SMARCA2: variants seen among roughly 807,000 people sequenced by gnomAD.
SMARCA2 encodes the protein SWI/SNF-related matrix-associated actin-dependent regulator of chromatin subfamily A member 2.
A neutral mutation model predicts 199.8 loss-of-function variants in SMARCA2; 61 were observed. That is an observed-to-expected ratio of 0.31 (90% CI 0.25 to 0.38). The LOEUF is 0.38. Among genes scored for constraint, SMARCA2 ranks in the 10% least tolerant of loss-of-function variants. The pLI is 1.00. For synonymous variants in SMARCA2, 935 were observed against 732.0 expected, an observed-to-expected ratio of 1.28 and a Z score of -4.48; for missense variants, 1,344 against 2,012.2, an observed-to-expected ratio of 0.67 and a Z score of 6.35.
intron 23 of SMARCA2, among the ~76,000 whole-genome samples, chr9:2,109,443 A>G (rs1488864093): frequency 2.6e-5 from 4 of 152,160 alleles, no homozygotes; most frequent in Non-Finnish European, 5.9e-5. Context: ...AATGCCCCAA[A>G]AGTGAGCACC....
intron 27 of SMARCA2, chr9:2,159,365 T>C (rs1315269960): frequency 4.4e-6 from 1 of 225,494 alleles, no homozygotes; most frequent in Non-Finnish European, 8.7e-6. Context: ...AACATGTACA[T>C]TGCTTTTATT....
Position 2,170,072 on chromosome 9 carries a change from C to T in SMARCA2, c.4200-347C>T, listed in dbSNP as rs1826163785. 6.6e-6 allele frequency among the ~76,000 whole-genome samples: 1 copy of T among 152,188 alleles called. No homozygotes were observed. On this transcript the variant is annotated intron_variant, in intron 28 of 33. Transcript: ENST00000349721. The surrounding 1 kb of genome is among the most constrained non-coding windows in gnomAD (Gnocchi z 4.7). ...GGGGCTAAACTCAGATAGACTAGCA[C>T]TACCTTCCCAAGATCACACGCACCT...
At chr9:2,089,464 G>A (rs886507069) in intron 19 of SMARCA2, among the ~76,000 whole-genome samples, 7 of 152,030 alleles carry the variant, frequency 4.6e-5, no homozygotes, top group East Asian at 1.9e-4. Flanking sequence ...TCTGGGTAAC[G>A]ACTCTATTTT....
At chr9:2,153,974 C>G (rs768708158) in intron 27 of SMARCA2, among the ~76,000 whole-genome samples, 2 of 152,182 alleles carry the variant, frequency 1.3e-5, no homozygotes, top group Non-Finnish European at 2.9e-5. Flanking sequence ...ATGGTGCAGT[C>G]ATCATTAATA....
intron 27 of SMARCA2, among the ~76,000 whole-genome samples, chr9:2,146,180 C>G (rs934025669): frequency 2.0e-5 from 3 of 152,132 alleles, no homozygotes; most frequent in Non-Finnish European, 2.9e-5. Context: ...TAGACAGTGC[C>G]TTTTTGCTGT....
intron 6 of SMARCA2, among the ~76,000 whole-genome samples, chr9:2,055,321 A>T (rs1483919771): frequency 6.6e-6 from 1 of 152,262 alleles, no homozygotes; most frequent in Non-Finnish European, 1.5e-5. Flanking sequence ...AAAAGCCAGT[A>T]TAATGACCTA....
rs538929833 is a variant in SMARCA2, at chr9:2,051,321, A to G, written c.1047-3276A>G. Among the ~76,000 whole-genome samples the G allele has an allele frequency of 2.1e-3, 315 of 152,250 alleles. 4 individuals are homozygous for G. The highest frequency in any genetic ancestry group is 2.7e-3 in the Non-Finnish European group (182 of 68,014). ...TCCAGAAAAGGGATTCTTTTGTGCCAGGGAATCAGATTCACTGACAAATAA... is the reference window on the plus strand; with the variant it reads ...TCCAGAAAAGGGATTCTTTTGTGCCGGGGAATCAGATTCACTGACAAATAA... On this transcript the variant is annotated intron_variant, in intron 5 of 33. Coordinates refer to ENST00000349721, the MANE Select transcript of SMARCA2 (RefSeq NM_003070.5).
rs111992349 is a variant in SMARCA2 at position 2,093,801 on chromosome 9, G to A, written c.2884-2856G>A. On this transcript the variant is annotated intron_variant, in intron 19 of 33. Coordinates refer to ENST00000349721, the MANE Select transcript of SMARCA2 (RefSeq NM_003070.5). ...AAAAATATTAGATATCATCAAATTG[G>A]CAGCTTTAAATAGGGCTATAAATCA... Among the ~76,000 whole-genome samples, 112 of 152,278 alleles carry A rather than the reference G, an allele frequency of 7.4e-4. 1 individual carries two copies. The highest frequency in any genetic ancestry group is 2.6e-3 in the African/African-American group (106 of 41,544).
intron 3 of SMARCA2, among the ~76,000 whole-genome samples, chr9:2,035,085 A>C (rs1227197294): frequency 6.6e-6 from 1 of 151,564 alleles, no homozygotes; most frequent in Non-Finnish European, 1.5e-5. Flanking sequence ...TCTGTTGCCC[A>C]GGCTGGAGTG....
At chr9:2,032,754 C>A in intron 2 of SMARCA2, 198 bp from the exon 3 acceptor site, 1 of 437,690 alleles carries the variant, frequency 2.3e-6, no homozygotes, top group Non-Finnish European at 4.0e-6. Flanking sequence ...AAAAACAACC[C>A]TCCACTGTTT....
chr9:2,081,732 A>G, intron 14 of SMARCA2, 100 bp from the exon 15 acceptor site: 2 of 983,968 alleles, frequency 2.0e-6, no homozygotes, highest in Non-Finnish European at 3.1e-6. Flanking sequence ...CCCAACATAC[A>G]GCAGTGAGGA....
Position 2,103,334 on chromosome 9 carries a change from C to G in SMARCA2, c.3126-669C>G, listed in dbSNP as rs529200332. 7.9e-5 allele frequency among the ~76,000 whole-genome samples: 12 copies of G among 152,280 alleles called. No individual in the cohort carries two copies. The South Asian group carries it at 2.3e-3, about 29-fold the overall frequency. On this transcript the variant is annotated intron_variant, in intron 22 of 33. Coordinates refer to ENST00000349721, the MANE Select transcript of SMARCA2 (RefSeq NM_003070.5). ...TCTGATAAAACCTTATTTGTAAAAA[C>G]AGACAGCAGACGGGGCCAAAGGTTG...
At chr9:2,139,373 T>A (rs949072661) in intron 27 of SMARCA2, among the ~76,000 whole-genome samples, 2 of 152,134 alleles carry the variant, frequency 1.3e-5, no homozygotes, top group Admixed American at 1.3e-4. Flanking sequence ...GATGCAGTTA[T>A]AGAAGTGTGG....
At position 2,127,953 on chromosome 9, in the gene SMARCA2, A is replaced by C. The variant is rs376191633; in HGVS notation, c.3981+4016A>C. On this transcript the variant is annotated intron_variant, in intron 27 of 33. Coordinates refer to ENST00000349721, the MANE Select transcript of SMARCA2 (RefSeq NM_003070.5). ...TTTAATCAGGAGGATCACAATTTCA[A>C]ACACAGTTCAGTTTTTTTTTTAAAG... Among the ~76,000 whole-genome samples, 9 of 141,710 alleles carry C rather than the reference A, an allele frequency of 6.4e-5. No individual in the cohort carries two copies. In the East Asian group the frequency reaches 1.7e-3, roughly 26 times the overall value. 93.0% of individuals were successfully genotyped at this position (141,710 alleles called of 152,430 possible).
intron 9 of SMARCA2, among the ~76,000 whole-genome samples, chr9:2,065,137 A>T (rs1478065160): frequency 2.0e-5 from 3 of 152,118 alleles, no homozygotes; most frequent in Admixed American, 6.5e-5. Flanking sequence ...GTGAGCCGAG[A>T]CGGCGCCACT....
In SMARCA2 at chr9:2,073,163, G is replaced by A. The variant is rs767567700; in HGVS notation, c.1747-49G>A. 7.5e-6 allele frequency: 12 copies of A among 1,609,968 alleles called. 1 individual carries two copies. The East Asian group carries it at 8.9e-5, about 12-fold the overall frequency. ...CTGAGAAACGTCCAGTACAGGACTG[G>A]GGGAAGGTCTTAACATGAAACCGTG... On this transcript the variant is annotated intron_variant, in intron 10 of 33. Coordinates refer to ENST00000349721, the MANE Select transcript of SMARCA2 (RefSeq NM_003070.5).
chr9:2,079,101 C>T (rs1005073538), intron 14 of SMARCA2, among the ~76,000 whole-genome samples: 2 of 152,106 alleles, frequency 1.3e-5, no homozygotes, highest in African/African-American at 4.8e-5. Flanking sequence ...AGGCATAACC[C>T]TGGACTGTCC....
chr9:2,114,694 T>C (rs2130595493), intron 24 of SMARCA2, among the ~76,000 whole-genome samples: 1 of 152,266 alleles, frequency 6.6e-6, no homozygotes, highest in East Asian at 1.9e-4. Flanking sequence ...CTCATGAAGG[T>C]TTTTATTTAA....
intron 8 of SMARCA2, 105 bp from the exon 9 acceptor site, chr9:2,060,711 C>A: frequency 2.8e-6 from 3 of 1,070,092 alleles, no homozygotes; most frequent in Middle Eastern, 2.1e-4. Flanking sequence ...GTTTGCTACA[C>A]TCCTACCAGT....
Sources: gnomAD v4.1 joint callset for allele counts (sites outside exome capture counted in the v4.1 genomes callset) on GRCh38, gnomAD v4.1.1 for gene constraint, Gnocchi (gnomAD v3.1) non-coding constraint, MANE v1.5 for transcripts, NCBI Gene and HGNC (gene_info 2026-07-23, HGNC 2026-07-21) for gene names.